Variants in NXPH1 observed in about 807,000 individuals in gnomAD.
NXPH1 encodes neurexophilin 1.
NXPH1 carries 5 observed loss-of-function variants against 23.7 expected under a neutral mutation model. That is an observed-to-expected ratio of 0.21 (90% CI 0.11 to 0.44). The LOEUF (loss-of-function observed/expected upper bound fraction) is 0.44, where lower values mean the gene tolerates loss of function less well. Among genes scored for constraint, NXPH1 ranks in the 20% least tolerant of loss-of-function variants. NXPH1 has a pLI of 0.99. For missense variants in NXPH1, 324 were observed against 321.6 expected (o/e 1.01, Z -0.06); for synonymous variants, 144 against 122.2 (o/e 1.18, Z -1.18).
intron 2 of NXPH1, among the ~76,000 whole-genome samples, chr7:8,701,137 A>G (rs1440394592): frequency 6.6e-6 from 1 of 152,042 alleles, no homozygotes; most frequent in East Asian, 1.9e-4. Context: ...CCAAGGCCAA[A>G]CTTCTCTTTA....
chr7:8,549,541 T>C (rs551304675), intron 2 of NXPH1, among the ~76,000 whole-genome samples: 8 of 151,536 alleles, frequency 5.3e-5, no homozygotes, highest in African/African-American at 1.9e-4. Flanking sequence ...ATTAATTCAG[T>C]AGATTGTTTT....
chr7:8,549,635 ATATT>A (rs1470680009), intron 2 of NXPH1, among the ~76,000 whole-genome samples: 2 of 151,560 alleles, frequency 1.3e-5, no homozygotes, highest in Admixed American at 1.3e-4. Context: ...TTTTGTAAAG[ATATT>A]TATAACTTTG....
At chr7:8,528,971 T>C (rs1031525953) in intron 2 of NXPH1, among the ~76,000 whole-genome samples, 7 of 152,244 alleles carry the variant, frequency 4.6e-5, no homozygotes, top group South Asian at 2.1e-4. Flanking sequence ...AGGTATCCCA[T>C]GTAGTTCCCA....
rs374603020 is a variant in NXPH1 at position 8,445,091 on chromosome 7, T to C, written c.54+9324T>C. ...CTCTGTGAGATATACGTAACTTACA[T>C]CCAGTGGAGAGCTCTTTTATTTATA... On this transcript the variant is annotated intron_variant, in intron 2 of 2. Transcript: ENST00000405863. 2.6e-5 allele frequency among the ~76,000 whole-genome samples: 4 copies of C among 152,248 alleles called. No individual in the cohort carries two copies. In the East Asian group the frequency reaches 5.8e-4, roughly 22 times the overall value.
intron 2 of NXPH1, among the ~76,000 whole-genome samples, chr7:8,697,027 G>T (rs568258708): frequency 6.6e-6 from 1 of 151,094 alleles, no homozygotes; most frequent in South Asian, 2.1e-4. Context: ...GTGTGGTGGT[G>T]GGCGCCTGTG....
At chr7:8,609,042 G>A (rs10258533) in intron 2 of NXPH1, among the ~76,000 whole-genome samples, 1,826 of 152,206 alleles carry the variant, frequency 0.012, 36 homozygotes, top group African/African-American at 0.042. Flanking sequence ...TGATATAAAT[G>A]AGAGTCATTT....
intron 2 of NXPH1, among the ~76,000 whole-genome samples, chr7:8,739,714 C>T (rs1320356039): frequency 1.3e-5 from 2 of 152,050 alleles, no homozygotes; most frequent in Non-Finnish European, 2.9e-5. Flanking sequence ...TGTAATAACA[C>T]TTAGGTTAAA....
chr7:8,435,526 G>T lies in NXPH1; in HGVS notation c.-110-78G>T. 1.9e-6 allele frequency: 1 copy of T among 513,264 alleles called. No individual in the cohort carries two copies. Among genetic ancestry groups the T allele is most frequent in the South Asian group, 2.8e-5 (1 of 35,200 alleles). The allele number at this position is 513,264 out of a possible 1,614,324, so 31.8% of individuals were successfully genotyped here. On this transcript the variant is annotated intron_variant, in intron 1 of 2. Coordinates refer to ENST00000405863, the MANE Select transcript of NXPH1 (RefSeq NM_152745.3). The surrounding 1 kb of genome is among the most constrained non-coding windows in gnomAD (Gnocchi z 5.9). ...TTTTTGGTCCCCCACTCCCCGCTAC[G>T]ACCCCCTTTCCCCGCTTGATTGTCA...
chr7:8,747,507 C>T (rs992564406), intron 2 of NXPH1, among the ~76,000 whole-genome samples: 2 of 152,202 alleles, frequency 1.3e-5, no homozygotes, highest in African/African-American at 4.8e-5. Context: ...GCCAGTGCAT[C>T]ATGAAAGCAT....
chr7:8,713,064 G>T (rs949670292), intron 2 of NXPH1, among the ~76,000 whole-genome samples: 1 of 151,746 alleles, frequency 6.6e-6, no homozygotes, highest in Non-Finnish European at 1.5e-5. Flanking sequence ...CCATTTTGTG[G>T]CTATTTTCTA....
At chr7:8,531,840 A>C (rs780946372) in intron 2 of NXPH1, among the ~76,000 whole-genome samples, 1 of 152,192 alleles carries the variant, frequency 6.6e-6, no homozygotes, top group Non-Finnish European at 1.5e-5. Context: ...AATATGTTCC[A>C]TCTGGTGTTA....
chr7:8,710,852 C>T (rs1463039995), intron 2 of NXPH1, among the ~76,000 whole-genome samples: 2 of 121,628 alleles, frequency 1.6e-5, no homozygotes, highest in African/African-American at 4.2e-5. Flanking sequence ...TTAGTAGAGA[C>T]GGGGTTTCAC....
At chr7:8,697,134 G>T (rs929630051) in intron 2 of NXPH1, among the ~76,000 whole-genome samples, 1 of 146,920 alleles carries the variant, frequency 6.8e-6, no homozygotes, top group Non-Finnish European at 1.5e-5. Flanking sequence ...CTCCAGTCTG[G>T]GTGACAGGGA....
At chr7:8,526,569 TC>T (rs1244353534) in intron 2 of NXPH1, among the ~76,000 whole-genome samples, 2 of 152,166 alleles carry the variant, frequency 1.3e-5, no homozygotes, top group African/African-American at 4.8e-5. Flanking sequence ...CTCACATAAT[TC>T]CCACATGTTG....
intron 2 of NXPH1, among the ~76,000 whole-genome samples, chr7:8,669,871 T>C (rs1372610397): frequency 6.6e-6 from 1 of 152,228 alleles, no homozygotes; most frequent in Non-Finnish European, 1.5e-5. Flanking sequence ...ATTTTTCACC[T>C]GTTTCCTTAG....
At chr7:8,676,286 G>C (rs1212983746) in intron 2 of NXPH1, among the ~76,000 whole-genome samples, 1 of 152,042 alleles carries the variant, frequency 6.6e-6, no homozygotes, top group African/African-American at 2.4e-5. Context: ...TTCAAATTTT[G>C]TCCAAATAGT....
At chr7:8,710,701 GCCGGA>G (rs1779777976) in intron 2 of NXPH1, among the ~76,000 whole-genome samples, 1 of 89,492 alleles carries the variant, frequency 1.1e-5, no homozygotes, top group Non-Finnish European at 1.8e-5. Flanking sequence ...TGTCGCCCAG[GCCGGA>G]CTGCGGACTG....
At chr7:8,530,738 C>T (rs1254700728) in intron 2 of NXPH1, among the ~76,000 whole-genome samples, 1 of 152,196 alleles carries the variant, frequency 6.6e-6, no homozygotes, top group African/African-American at 2.4e-5. Flanking sequence ...GTCAGCCCTG[C>T]TGAGGAGCTC....
rs576899026 is a variant in NXPH1, at chr7:8,522,064, C to G, written c.54+86297C>G. 2.7e-3 allele frequency among the ~76,000 whole-genome samples: 415 copies of G among 152,322 alleles called. 2 individuals carry two copies. The highest frequency in any genetic ancestry group is 6.8e-3 in the Middle Eastern group (2 of 294). On this transcript the variant is annotated intron_variant, in intron 2 of 2. Coordinates refer to ENST00000405863, the MANE Select transcript of NXPH1 (RefSeq NM_152745.3). ...ATTGAAATACTAAAAGCTATAAACT[C>G]ATACACATATAGGTAGTTATTGTTC... is the stretch of plus-strand genomic sequence containing the variant.
Sources: gnomAD v4.1 joint callset for allele counts (sites outside exome capture counted in the v4.1 genomes callset) on GRCh38, gnomAD v4.1.1 for gene constraint, Gnocchi (gnomAD v3.1) non-coding constraint, MANE v1.5 for transcripts, NCBI Gene and HGNC (gene_info 2026-07-23, HGNC 2026-07-21) for gene names.